Variants in LUZP2 observed in about 807,000 individuals in gnomAD.
LUZP2 encodes leucine zipper protein 2.
LUZP2 carries 52 observed loss-of-function variants against 51.6 expected under a neutral mutation model. The ratio of observed to expected loss-of-function variants is 1.01; its 90% CI spans 0.81 to 1.27. The LOEUF is 1.27. Among genes scored for constraint, LUZP2 ranks in the 50% most tolerant of loss-of-function variants. LUZP2 has a pLI of 0.00. For missense variants in LUZP2, 436 were observed against 395.4 expected (o/e 1.10, Z -0.87); for synonymous variants, 154 against 137.3 (o/e 1.12, Z -0.85).
At chr11:24,688,866 A>T (rs183424448) in intron 1 of LUZP2, among the ~76,000 whole-genome samples, 4 of 152,108 alleles carry the variant, frequency 2.6e-5, no homozygotes, top group African/African-American at 9.7e-5. Context: ...AGGCTCTGCT[A>T]TCCCATTCTC....
intron 7 of LUZP2, among the ~76,000 whole-genome samples, chr11:24,944,936 C>A (rs1854858619): frequency 6.6e-6 from 1 of 152,142 alleles, no homozygotes; most frequent in South Asian, 2.1e-4. Flanking sequence ...GATTTATCTT[C>A]AATGCACATT....
At chr11:24,926,623 ATGTGTGTATATATGTATATATATATATG>A (rs1217137717) in intron 7 of LUZP2, among the ~76,000 whole-genome samples, 101 of 142,820 alleles carry the variant, frequency 7.1e-4, no homozygotes, top group African/African-American at 2.5e-3. Context: ...GTATATATAT[ATGTGTGTATATATGTATATATATATATG>A]TGTGTGTATA....
intron 5 of LUZP2, among the ~76,000 whole-genome samples, chr11:24,834,470 A>G (rs1033274228): frequency 3.3e-5 from 5 of 152,184 alleles, no homozygotes; most frequent in Admixed American, 6.5e-5. Flanking sequence ...TATATGTGCC[A>G]CATTTTCTTT....
intron 5 of LUZP2, among the ~76,000 whole-genome samples, chr11:24,790,297 T>G (rs952571377): frequency 6.6e-6 from 1 of 152,166 alleles, no homozygotes; most frequent in Non-Finnish European, 1.5e-5. Flanking sequence ...ACATTTTTTC[T>G]GTTTAAGATC....
intron 1 of LUZP2, among the ~76,000 whole-genome samples, chr11:24,728,026 G>T (rs1858547590): frequency 6.6e-6 from 1 of 151,798 alleles, no homozygotes; most frequent in African/African-American, 2.4e-5. Context: ...TACCTATCAT[G>T]GGTTCAATGC....
chr11:24,747,853 C>T (rs1023319093), intron 4 of LUZP2, among the ~76,000 whole-genome samples: 1 of 152,056 alleles, frequency 6.6e-6, no homozygotes, highest in Non-Finnish European at 1.5e-5. Flanking sequence ...CCAGTAGTCA[C>T]AGGCCTCGCC....
At chr11:24,516,015 C>T (rs1225343189) in intron 1 of LUZP2, among the ~76,000 whole-genome samples, 1 of 152,136 alleles carries the variant, frequency 6.6e-6, no homozygotes, top group Non-Finnish European at 1.5e-5. Context: ...TGACCTGAGA[C>T]AGAGGCTGAT....
chr11:24,682,633 C>CAT (rs1349960823), intron 1 of LUZP2, among the ~76,000 whole-genome samples: 4 of 121,502 alleles, frequency 3.3e-5, no homozygotes, highest in South Asian at 5.6e-4. Context: ...TATATATACA[C>CAT]ATATATATAC....
At chr11:24,662,073 G>C (rs1351197116) in intron 1 of LUZP2, among the ~76,000 whole-genome samples, 1 of 151,466 alleles carries the variant, frequency 6.6e-6, no homozygotes, top group African/African-American at 2.4e-5. Context: ...AAATCCTAAA[G>C]CAAGCAGAAA....
intron 1 of LUZP2, among the ~76,000 whole-genome samples, chr11:24,623,772 G>T (rs995446769): frequency 6.6e-6 from 1 of 152,136 alleles, no homozygotes; most frequent in Non-Finnish European, 1.5e-5. Context: ...GCTTGAATCC[G>T]GGAGGTGGAG....
At chr11:24,673,212 T>C (rs1219064868) in intron 1 of LUZP2, among the ~76,000 whole-genome samples, 2 of 152,174 alleles carry the variant, frequency 1.3e-5, no homozygotes, top group East Asian at 3.9e-4. Context: ...TATTTGTGAA[T>C]ATAAGCATAG....
intron 9 of LUZP2, among the ~76,000 whole-genome samples, chr11:25,023,930 G>A (rs1013601081): frequency 3.9e-5 from 6 of 152,136 alleles, no homozygotes; most frequent in South Asian, 2.1e-4. Context: ...CAGTTTCCAT[G>A]TAGTTGAGTG....
intron 7 of LUZP2, among the ~76,000 whole-genome samples, chr11:24,964,867 T>C (rs1471436538): frequency 6.6e-6 from 1 of 151,976 alleles, no homozygotes; most frequent in Non-Finnish European, 1.5e-5. Flanking sequence ...TTTCTTGTTC[T>C]CAATGCATGG....
chr11:25,035,157 T>C (rs188136754), intron 9 of LUZP2, among the ~76,000 whole-genome samples: 4 of 152,146 alleles, frequency 2.6e-5, no homozygotes, highest in East Asian at 1.9e-4. Context: ...ACCACTGATA[T>C]GCAACATAGT....
chr11:24,607,172 C>T (rs752638835), intron 1 of LUZP2, among the ~76,000 whole-genome samples: 18 of 150,434 alleles, frequency 1.2e-4, no homozygotes, highest in Non-Finnish European at 1.8e-4. Flanking sequence ...TTTATTTTCT[C>T]GCCTAGGCTT....
chr11:24,706,709 G>A (rs1409124439), intron 1 of LUZP2, among the ~76,000 whole-genome samples: 3 of 152,060 alleles, frequency 2.0e-5, no homozygotes, highest in Non-Finnish European at 2.9e-5. Context: ...ATTTTTGAAC[G>A]TTTCAGTCTT....
chr11:24,602,074 G>GTATATATT (rs1191023788), intron 1 of LUZP2, among the ~76,000 whole-genome samples: 1 of 59,200 alleles, frequency 1.7e-5, no homozygotes, highest in Non-Finnish European at 3.6e-5. Flanking sequence ...ATATATATGC[G>GTATATATT]TATATATGTG....
intron 1 of LUZP2, among the ~76,000 whole-genome samples, chr11:24,629,726 G>C (rs1854813474): frequency 6.6e-6 from 1 of 151,554 alleles, no homozygotes; most frequent in Non-Finnish European, 1.5e-5. Flanking sequence ...TGGGATTGCT[G>C]GATTGAATGG....
intron 5 of LUZP2, among the ~76,000 whole-genome samples, chr11:24,773,699 A>G (rs1848821445): frequency 6.6e-6 from 1 of 152,108 alleles, no homozygotes; most frequent in Admixed American, 6.6e-5. Context: ...GCTATTACAC[A>G]TGTCTCATGT....
Sources: gnomAD v4.1 joint callset for allele counts (sites outside exome capture counted in the v4.1 genomes callset) on GRCh38, gnomAD v4.1.1 for gene constraint, MANE v1.5 for transcripts, NCBI Gene and HGNC (gene_info 2026-07-23, HGNC 2026-07-21) for gene names.